The following PHACTR1 variants were observed in gnomAD, a reference collection of about 807,000 sequenced individuals.
PHACTR1 encodes the protein phosphatase and actin regulator 1.
PHACTR1 carries 16 observed loss-of-function variants against 69.2 expected under a neutral mutation model. That is an observed-to-expected ratio of 0.23 (90% CI 0.16 to 0.35). PHACTR1 has a LOEUF of 0.35. Ranked by LOEUF, PHACTR1 falls within the 10% of genes least tolerant of loss-of-function variation. The pLI is 1.00. For missense variants in PHACTR1, 510 were observed against 734.7 expected (o/e 0.69, Z 3.54); for synonymous variants, 312 against 284.5 (o/e 1.10, Z -0.97).
intron 7 of PHACTR1, among the ~76,000 whole-genome samples, chr6:13,205,280 G>A (rs914455979): frequency 8.5e-5 from 13 of 152,086 alleles, no homozygotes; most frequent in Non-Finnish European, 1.6e-4. Flanking sequence ...GCTCGAACTC[G>A]CTCACACCCA....
At chr6:12,901,911 G>C (rs1057458335) in intron 4 of PHACTR1, among the ~76,000 whole-genome samples, 1 of 152,150 alleles carries the variant, frequency 6.6e-6, no homozygotes, top group African/African-American at 2.4e-5. Flanking sequence ...GCTTGACAGT[G>C]GTTTCTCAAC....
intron 5 of PHACTR1, among the ~76,000 whole-genome samples, chr6:13,070,987 TAA>T (rs2127773103): frequency 3.6e-5 from 2 of 55,756 alleles, no homozygotes; most frequent in African/African-American, 1.5e-4. Context: ...GTAGCCTTAA[TAA>T]TTAAAAAAAA....
intron 4 of PHACTR1, among the ~76,000 whole-genome samples, chr6:12,901,809 A>G (rs977438742): frequency 1.3e-5 from 2 of 152,106 alleles, no homozygotes; most frequent in East Asian, 1.9e-4. Flanking sequence ...GCGTTTTTAT[A>G]TAAGCTTTCT....
chr6:13,220,182 C>T (rs572296250), intron 8 of PHACTR1, among the ~76,000 whole-genome samples: 6 of 152,272 alleles, frequency 3.9e-5, no homozygotes, highest in Non-Finnish European at 5.9e-5. Context: ...CTGTGGAACC[C>T]GCTGGTATCT....
intron 4 of PHACTR1, among the ~76,000 whole-genome samples, chr6:12,992,685 G>A (rs1796951001): frequency 6.6e-6 from 1 of 152,110 alleles, no homozygotes; most frequent in African/African-American, 2.4e-5. Flanking sequence ...ATGCACACAA[G>A]GAATGCATTT....
intron 5 of PHACTR1, among the ~76,000 whole-genome samples, chr6:13,094,772 C>CTA (rs5874402): frequency 2.0e-5 from 3 of 151,952 alleles, no homozygotes; most frequent in African/African-American, 7.3e-5. Context: ...TGATTATTAC[C>CTA]TATATATATA....
chr6:13,030,848 G>A (rs1802360526), intron 4 of PHACTR1, among the ~76,000 whole-genome samples: 1 of 152,218 alleles, frequency 6.6e-6, no homozygotes, highest in African/African-American at 2.4e-5. Context: ...AGGATCATGT[G>A]TTCAGAGGAT....
chr6:12,807,027 A>G (rs1774428564), intron 4 of PHACTR1, among the ~76,000 whole-genome samples: 1 of 152,222 alleles, frequency 6.6e-6, no homozygotes, highest in African/African-American at 2.4e-5. Context: ...TTAAAAACAC[A>G]AAGATTCTTA....
intron 4 of PHACTR1, among the ~76,000 whole-genome samples, chr6:12,903,875 A>AT (rs1209189508): frequency 6.6e-6 from 1 of 152,122 alleles, no homozygotes; most frequent in Non-Finnish European, 1.5e-5. Flanking sequence ...GATATCTATG[A>AT]TTTTTTTGTT....
chr6:12,814,321 C>T (rs749189199), intron 4 of PHACTR1, among the ~76,000 whole-genome samples: 1 of 152,186 alleles, frequency 6.6e-6, no homozygotes, highest in Non-Finnish European at 1.5e-5. Flanking sequence ...CAGTTACCGC[C>T]TACTGTGCCT....
intron 5 of PHACTR1, among the ~76,000 whole-genome samples, chr6:13,083,345 T>G (rs1330547092): frequency 6.6e-6 from 1 of 152,230 alleles, no homozygotes; most frequent in Non-Finnish European, 1.5e-5. Flanking sequence ...TTGGTTACTG[T>G]AGCCTTGTAG....
chr6:13,162,629 T>A (rs1759212985), intron 6 of PHACTR1, among the ~76,000 whole-genome samples: 1 of 152,230 alleles, frequency 6.6e-6, no homozygotes, highest in African/African-American at 2.4e-5. Context: ...AGGAATATTC[T>A]GAAGTAGAGA....
chr6:12,842,562 C>T (rs373221225), intron 4 of PHACTR1, among the ~76,000 whole-genome samples: 12 of 152,092 alleles, frequency 7.9e-5, no homozygotes, highest in Middle Eastern at 6.8e-3. Flanking sequence ...TTTTGAGACA[C>T]GGTCTCAATC....
chr6:12,945,339 T>C (rs1454923633), intron 4 of PHACTR1, among the ~76,000 whole-genome samples: 1 of 152,218 alleles, frequency 6.6e-6, no homozygotes, highest in Non-Finnish European at 1.5e-5. Context: ...TTGTGGTTAT[T>C]GCATGTTTAC....
intron 4 of PHACTR1, among the ~76,000 whole-genome samples, chr6:12,813,384 T>C (rs569886402): frequency 6.6e-6 from 1 of 152,294 alleles, no homozygotes; most frequent in East Asian, 1.9e-4. Flanking sequence ...AAACTTCACA[T>C]ATGTGTGCAG....
chr6:12,899,112 C>T (rs1784955509), intron 4 of PHACTR1, among the ~76,000 whole-genome samples: 1 of 152,168 alleles, frequency 6.6e-6, no homozygotes, highest in South Asian at 2.1e-4. Flanking sequence ...GCGTGCTTCC[C>T]TCACATCACT....
chr6:13,161,646 A>G (rs991235693), intron 6 of PHACTR1, among the ~76,000 whole-genome samples: 3 of 152,142 alleles, frequency 2.0e-5, no homozygotes, highest in Admixed American at 6.5e-5. Context: ...TTCTACTACA[A>G]CGAGGCAGGT....
At chr6:12,951,896 C>A (rs1791338283) in intron 4 of PHACTR1, among the ~76,000 whole-genome samples, 1 of 152,206 alleles carries the variant, frequency 6.6e-6, no homozygotes, top group Non-Finnish European at 1.5e-5. Flanking sequence ...GTTTGTTAAA[C>A]CTTTAGTACA....
chr6:13,174,187 C>A (rs758564186), intron 6 of PHACTR1, among the ~76,000 whole-genome samples: 17 of 152,208 alleles, frequency 1.1e-4, no homozygotes, highest in Non-Finnish European at 2.2e-4. Flanking sequence ...GCACAAAGGG[C>A]ATGTCTGGGA....
Sources: allele counts gnomAD v4.1 joint callset (sites outside exome capture counted in the v4.1 genomes callset), GRCh38; gene constraint gnomAD v4.1.1; transcripts MANE v1.5; gene names NCBI Gene and HGNC (gene_info 2026-07-23, HGNC 2026-07-21).